TEAD1: variants seen among roughly 807,000 people sequenced by gnomAD.
TEAD1 encodes the protein transcriptional enhancer factor TEF-1.
TEAD1 carries 9 observed loss-of-function variants against 54.9 expected under a neutral mutation model. The ratio of observed to expected loss-of-function variants is 0.16; its 90% confidence interval spans 0.10 to 0.29. The LOEUF (loss-of-function observed/expected upper bound fraction) is 0.29. TEAD1 is among the 10% of genes least tolerant of loss of function. The pLI, the probability that TEAD1 is intolerant of heterozygous loss-of-function variation, is 1.00. For missense variants in TEAD1, 387 were observed against 535.9 expected (o/e 0.72, Z 2.74); for synonymous variants, 200 against 187.8 (o/e 1.07, Z -0.53).
rs1388117425 is a variant in TEAD1 at position 12,943,309 on chromosome 11, T to C, written c.*6087T>C. The C allele has an allele frequency of 6.6e-6, 1 of 152,660 alleles. No homozygotes were observed. The highest frequency in any genetic ancestry group is 1.9e-4 in the East Asian group (1 of 5,196). 9.5% of individuals were successfully genotyped at this position (152,660 alleles called of 1,614,324 possible). A position where few individuals can be genotyped will look rare whatever the true frequency, so the allele number is the denominator to read the frequency against. The stretch of plus-strand genomic sequence containing the variant: ...CACAGTGTGGAAGAAATTAGTCAAA[T>C]GCTTGTTTTCCTGCTTCTCTTTTCA... On this transcript the variant is annotated 3_prime_UTR_variant, in exon 13 of 13. Coordinates refer to ENST00000527636, the MANE Select transcript of TEAD1 (RefSeq NM_021961.6).
In TEAD1 at chr11:12,707,918, T is replaced by C. The variant is rs184116829; in HGVS notation, c.-55+32357T>C. 3.3e-5 allele frequency among the ~76,000 whole-genome samples: 5 copies of C among 152,348 alleles called. No individual in the cohort carries two copies. The East Asian group carries it at 9.6e-4, about 29-fold the overall frequency. On this transcript the variant is annotated intron_variant, in intron 2 of 12. Transcript: ENST00000527636. ...TGATTAGTATTCGGACTAAAGTATA[T>C]GAATGAATAACAATTTTTTCTCTGC...
intron 3 of TEAD1, among the ~76,000 whole-genome samples, chr11:12,786,766 C>T (rs917441707): frequency 6.6e-6 from 1 of 151,760 alleles, no homozygotes; most frequent in African/African-American, 2.4e-5. Context: ...GGGCGATAGA[C>T]AATAAGGAAG....
At chr11:12,805,328 G>A (rs1200581948) in intron 3 of TEAD1, among the ~76,000 whole-genome samples, 1 of 152,162 alleles carries the variant, frequency 6.6e-6, no homozygotes, top group African/African-American at 2.4e-5. Flanking sequence ...TCAATTTAGA[G>A]ATGTTAGAAC....
intron 3 of TEAD1, among the ~76,000 whole-genome samples, chr11:12,776,121 G>A (rs552252263): frequency 4.5e-4 from 68 of 152,212 alleles, no homozygotes; most frequent in African/African-American, 1.5e-3. Flanking sequence ...GTGCTAGGGC[G>A]GGGGAGGAGA....
At chr11:12,752,875 C>T (rs1944904084) in intron 2 of TEAD1, among the ~76,000 whole-genome samples, 1 of 151,584 alleles carries the variant, frequency 6.6e-6, no homozygotes, top group Non-Finnish European at 1.5e-5. Context: ...CAGTGTCTCA[C>T]ACTCTCTCAG....
chr11:12,846,170 G>A (rs1290322642), intron 3 of TEAD1, among the ~76,000 whole-genome samples: 1 of 152,164 alleles, frequency 6.6e-6, no homozygotes, highest in Non-Finnish European at 1.5e-5. Flanking sequence ...TGTTTATTTG[G>A]CCTTTGTCAC....
At chr11:12,842,314 G>C (rs553762180) in intron 3 of TEAD1, among the ~76,000 whole-genome samples, 125 of 152,246 alleles carry the variant, frequency 8.2e-4, no homozygotes, top group African/African-American at 2.9e-3. Flanking sequence ...CCCTTACACT[G>C]TTGCTGTTTC....
chr11:12,834,831 G>T (rs1946854761), intron 3 of TEAD1, among the ~76,000 whole-genome samples: 1 of 151,342 alleles, frequency 6.6e-6, no homozygotes, highest in South Asian at 2.1e-4. Flanking sequence ...TGCCCAGGCT[G>T]GTCTCAAATT....
rs1332747358 is a variant in TEAD1 at position 12,856,049 on chromosome 11, C to A, written c.203-6201C>A. Among the ~76,000 whole-genome samples the A allele has an allele frequency of 3.9e-5, 6 of 151,998 alleles. No individual in the cohort carries two copies. The East Asian group carries it at 1.2e-3, about 30-fold the overall frequency. On this transcript the variant is annotated intron_variant, in intron 3 of 12. Coordinates refer to ENST00000527636, the MANE Select transcript of TEAD1 (RefSeq NM_021961.6). ...GAAATTTCTTTGTAAACCACTCTCC[C>A]CATGCTTTGTGCTGATGCCGGCATG...
At chr11:12,884,024 A>G (rs1703313931) in intron 9 of TEAD1, among the ~76,000 whole-genome samples, 3 of 151,916 alleles carry the variant, frequency 2.0e-5, no homozygotes, top group Non-Finnish European at 1.5e-5. Flanking sequence ...AAGTAACAAA[A>G]TGGCACTTTA....
intron 10 of TEAD1, among the ~76,000 whole-genome samples, chr11:12,920,303 A>T (rs184456411): frequency 6.6e-6 from 1 of 152,350 alleles, no homozygotes; most frequent in Non-Finnish European, 1.5e-5. Context: ...TTTTACTAAC[A>T]TCATGATGAA....
intron 2 of TEAD1, among the ~76,000 whole-genome samples, chr11:12,717,956 C>T (rs1033342681): frequency 2.0e-5 from 3 of 152,164 alleles, no homozygotes; most frequent in African/African-American, 7.2e-5. Context: ...AATGAGTTAA[C>T]GGATATGAAG....
chr11:12,709,374 GT>G (rs1943886530), intron 2 of TEAD1, among the ~76,000 whole-genome samples: 1 of 151,570 alleles, frequency 6.6e-6, no homozygotes, highest in Non-Finnish European at 1.5e-5. Flanking sequence ...ATAATTTGAT[GT>G]TTACTTTTTA....
intron 5 of TEAD1, among the ~76,000 whole-genome samples, chr11:12,872,797 C>T (rs1947779723): frequency 1.3e-5 from 2 of 152,168 alleles, no homozygotes. Context: ...ACAAGGGCTC[C>T]TGAGTATTTC....
intron 6 of TEAD1, among the ~76,000 whole-genome samples, chr11:12,880,595 T>C (rs368434093): frequency 1.8e-4 from 27 of 152,322 alleles, no homozygotes; most frequent in African/African-American, 6.5e-4. Context: ...TTGTTCAAGC[T>C]TTGTCCTCTG....
chr11:12,850,726 A>G (rs1201028296), intron 3 of TEAD1, among the ~76,000 whole-genome samples: 1 of 152,250 alleles, frequency 6.6e-6, no homozygotes, highest in Non-Finnish European at 1.5e-5. Context: ...TTAGCACTTC[A>G]AATGTGTGGA....
At chr11:12,864,661 C>A in intron 4 of TEAD1, 177 bp from the exon 5 acceptor site, 4 of 881,014 alleles carry the variant, frequency 4.5e-6, no homozygotes, top group Non-Finnish European at 4.4e-6. Context: ...TGTTTTGTTT[C>A]CCCTCATAAA....
At chr11:12,830,148 A>G (rs1946742802) in intron 3 of TEAD1, among the ~76,000 whole-genome samples, 1 of 152,124 alleles carries the variant, frequency 6.6e-6, no homozygotes, top group African/African-American at 2.4e-5. Context: ...AGAGGAGAGA[A>G]TTCAGAGAGC....
intron 2 of TEAD1, among the ~76,000 whole-genome samples, chr11:12,739,454 T>G (rs1944608262): frequency 6.6e-6 from 1 of 152,164 alleles, no homozygotes; most frequent in African/African-American, 2.4e-5. Context: ...TCCTTCCTCC[T>G]CCTAGCCCTT....
Sources: allele counts gnomAD v4.1 joint callset (sites outside exome capture counted in the v4.1 genomes callset), GRCh38; gene constraint gnomAD v4.1.1; transcripts MANE v1.5; gene names NCBI Gene and HGNC (gene_info 2026-07-23, HGNC 2026-07-21).